The following ARHGAP42 variants were observed in gnomAD, a reference collection of about 807,000 sequenced individuals.
The protein encoded by ARHGAP42 is rho GTPase-activating protein 42.
ARHGAP42 carries 63 observed loss-of-function variants against 125.0 expected under a neutral mutation model. That is an observed-to-expected ratio of 0.50 (90% CI 0.41 to 0.62). The LOEUF (loss-of-function observed/expected upper bound fraction) is 0.62, where lower values mean the gene tolerates loss of function less well. Ranked by LOEUF, ARHGAP42 falls within the 20% of genes least tolerant of loss-of-function variation. The pLI, the probability that ARHGAP42 is intolerant of heterozygous loss-of-function variation, is 0.00. For missense variants in ARHGAP42, 766 were observed against 1,024.2 expected (o/e 0.75, Z 3.44); for synonymous variants, 339 against 351.0 (o/e 0.97, Z 0.38).
chr11:100,984,972 C>T (rs1030862115), intron 22 of ARHGAP42, among the ~76,000 whole-genome samples: 9 of 152,108 alleles, frequency 5.9e-5, no homozygotes, highest in African/African-American at 2.2e-4. Flanking sequence ...GAAGAAAATT[C>T]CGTCTAGTCA....
intron 4 of ARHGAP42, among the ~76,000 whole-genome samples, chr11:100,905,909 G>A (rs898569796): frequency 2.6e-5 from 4 of 152,160 alleles, no homozygotes; most frequent in African/African-American, 7.2e-5. Flanking sequence ...CTTCGGAGGC[G>A]GAAGCTGCAG....
intron 4 of ARHGAP42, among the ~76,000 whole-genome samples, chr11:100,911,501 G>A (rs1178168986): frequency 1.3e-5 from 2 of 152,064 alleles, no homozygotes; most frequent in Non-Finnish European, 2.9e-5. Flanking sequence ...GTGGAAATTG[G>A]AAGAAATGAG....
chr11:100,840,736 C>A (rs1031238911), intron 3 of ARHGAP42: 8 of 152,114 alleles, frequency 5.3e-5, no homozygotes, highest in Non-Finnish European at 1.5e-5. Context: ...TAATGCTATC[C>A]ATTTCTGATG....
intron 1 of ARHGAP42, among the ~76,000 whole-genome samples, chr11:100,752,873 G>T (rs1417672175): frequency 2.6e-5 from 4 of 152,222 alleles, no homozygotes; most frequent in African/African-American, 9.6e-5. Context: ...CAGTGTTATT[G>T]TACCTGTGGA....
chr11:100,939,006 C>T (rs1276966791), intron 8 of ARHGAP42, among the ~76,000 whole-genome samples: 2 of 152,120 alleles, frequency 1.3e-5, no homozygotes, highest in African/African-American at 4.8e-5. Context: ...ATATCAAAGC[C>T]ATAAATTGTG....
At chr11:100,688,441 C>G (rs1038426456) in intron 1 of ARHGAP42, among the ~76,000 whole-genome samples, 1 of 152,264 alleles carries the variant, frequency 6.6e-6, no homozygotes, top group African/African-American at 2.4e-5. Context: ...TTGGGTGTGT[C>G]ATTGGGATGA....
At chr11:100,789,730 A>G (rs1205922670) in intron 2 of ARHGAP42, among the ~76,000 whole-genome samples, 4 of 152,204 alleles carry the variant, frequency 2.6e-5, no homozygotes, top group African/African-American at 7.2e-5. Context: ...ATTCCTGACT[A>G]AAGTGCAGCC....
chr11:100,976,415 C>G lies in ARHGAP42; in HGVS notation c.2214C>G (p.Leu738=). ...SGLKRASASS[L]RSISAAEGNK... ...TGAAAAGAGCTTCTGCTTCTTCTCT[C>G]AGATCCATCTCTGCAGCTGAAGGTA... is the stretch of plus-strand genomic sequence containing the variant. Residue 738 remains leucine (L), a synonymous_variant, in exon 20 of 24, where the codon CTC becomes CTG. Coordinates refer to ENST00000298815, the MANE Select transcript of ARHGAP42 (RefSeq NM_152432.4). 3 of 1,535,202 alleles carry G rather than the reference C, an allele frequency of 2.0e-6. No individual in the cohort carries two copies. The highest frequency in any genetic ancestry group is 2.6e-6 in the Non-Finnish European group (3 of 1,141,822).
intron 1 of ARHGAP42, among the ~76,000 whole-genome samples, chr11:100,742,809 CATTAT>C (rs1280263352): frequency 2.0e-5 from 3 of 152,096 alleles, no homozygotes; most frequent in Non-Finnish European, 4.4e-5. Context: ...ATCCTTTTAT[CATTAT>C]ATTATGACTA....
intron 1 of ARHGAP42, among the ~76,000 whole-genome samples, chr11:100,765,367 TGTG>T (rs10536507): frequency 0.26 from 39,071 of 151,904 alleles, 5,238 homozygotes; most frequent in Non-Finnish European, 0.29. Context: ...AGTGTGGCAA[TGTG>T]GTGAACTGGG....
intron 4 of ARHGAP42, among the ~76,000 whole-genome samples, chr11:100,905,781 A>T (rs1394744188): frequency 6.6e-6 from 1 of 150,600 alleles, no homozygotes; most frequent in Non-Finnish European, 1.5e-5. Flanking sequence ...ATTTGAGACC[A>T]GCCTGGCCAA....
At chr11:100,857,221 G>A (rs1356654643) in intron 3 of ARHGAP42, among the ~76,000 whole-genome samples, 2 of 151,402 alleles carry the variant, frequency 1.3e-5, no homozygotes, top group African/African-American at 4.8e-5. Context: ...TAGAACGGGA[G>A]AAGAAGAAAA....
At chr11:100,848,180 A>C (rs1422499025) in intron 3 of ARHGAP42, among the ~76,000 whole-genome samples, 2 of 152,124 alleles carry the variant, frequency 1.3e-5, no homozygotes, top group Admixed American at 1.3e-4. Context: ...AGCTATTTTA[A>C]TTTTGATGGT....
intron 3 of ARHGAP42, among the ~76,000 whole-genome samples, chr11:100,808,696 C>T (rs982122833): frequency 1.3e-5 from 2 of 152,134 alleles, no homozygotes; most frequent in Non-Finnish European, 2.9e-5. Flanking sequence ...TGAGCCACCG[C>T]GCCCGGCCAA....
intron 6 of ARHGAP42, among the ~76,000 whole-genome samples, chr11:100,931,317 T>A (rs952171834): frequency 3.3e-5 from 5 of 152,170 alleles, no homozygotes; most frequent in African/African-American, 9.7e-5. Context: ...ACTGGAAACT[T>A]ATGTGGCTGA....
chr11:100,899,078 T>C (rs1470323722), intron 4 of ARHGAP42, among the ~76,000 whole-genome samples: 1 of 152,242 alleles, frequency 6.6e-6, no homozygotes, highest in Non-Finnish European at 1.5e-5. Flanking sequence ...CATCTTTATT[T>C]CTGCCTTCAT....
intron 4 of ARHGAP42, among the ~76,000 whole-genome samples, chr11:100,912,500 T>C (rs1439208347): frequency 6.6e-6 from 1 of 152,122 alleles, no homozygotes; most frequent in Non-Finnish European, 1.5e-5. Context: ...AGGTTGCAGT[T>C]TCAGAGACAC....
chr11:100,712,721 G>A (rs970617147), intron 1 of ARHGAP42, among the ~76,000 whole-genome samples: 1 of 152,144 alleles, frequency 6.6e-6, no homozygotes, highest in African/African-American at 2.4e-5. Flanking sequence ...TGAAGCTCCC[G>A]CCAGTTACTG....
intron 4 of ARHGAP42, among the ~76,000 whole-genome samples, chr11:100,890,513 A>C (rs1307141655): frequency 6.6e-6 from 1 of 152,184 alleles, no homozygotes; most frequent in Non-Finnish European, 1.5e-5. Flanking sequence ...AAATCTGAGA[A>C]ATAACCTCTT....
Sources: allele counts gnomAD v4.1 joint callset (sites outside exome capture counted in the v4.1 genomes callset), GRCh38; gene constraint gnomAD v4.1.1; transcripts MANE v1.5; gene names NCBI Gene and HGNC (gene_info 2026-07-23, HGNC 2026-07-21).